MDFIC: variants seen among roughly 807,000 people sequenced by gnomAD.
The protein encoded by MDFIC is myoD family inhibitor domain-containing protein.
Under a neutral mutation model 23.2 loss-of-function variants are expected in MDFIC, and 17 were observed. That is an observed-to-expected ratio of 0.73 (90% CI 0.50 to 1.10). MDFIC has a LOEUF of 1.10. Ranked by LOEUF, MDFIC falls within the 50% of genes least tolerant of loss-of-function variation. The pLI is 0.00. For missense variants in MDFIC, 356 were observed against 316.6 expected (o/e 1.12, Z -0.95); for synonymous variants, 120 against 115.2 (o/e 1.04, Z -0.27).
intron 3 of MDFIC, among the ~76,000 whole-genome samples, chr7:114,956,050 T>C (rs777101834): frequency 6.6e-5 from 10 of 152,118 alleles, no homozygotes; most frequent in Non-Finnish European, 1.0e-4. Flanking sequence ...GGGGTAGAGA[T>C]AAGGGTAGGG....
chr7:114,951,520 C>T (rs578061920), intron 3 of MDFIC, among the ~76,000 whole-genome samples: 1 of 152,126 alleles, frequency 6.6e-6, no homozygotes, highest in South Asian at 2.1e-4. Flanking sequence ...TCAAATTATA[C>T]ATGTGTGTTT....
At chr7:114,942,699 A>G (rs895046396) in intron 3 of MDFIC, among the ~76,000 whole-genome samples, 1 of 152,200 alleles carries the variant, frequency 6.6e-6, no homozygotes, top group Non-Finnish European at 1.5e-5. Context: ...AACTCTAAGT[A>G]TATGTGGATG....
chr7:114,936,361 T>C (rs1170062690), intron 2 of MDFIC, among the ~76,000 whole-genome samples: 1 of 152,200 alleles, frequency 6.6e-6, no homozygotes, highest in East Asian at 1.9e-4. Flanking sequence ...TCTCAGGTTC[T>C]TCTGTTACTA....
intron 4 of MDFIC, among the ~76,000 whole-genome samples, chr7:115,008,311 TC>T (rs1047445231): frequency 2.0e-5 from 3 of 151,538 alleles, no homozygotes; most frequent in African/African-American, 2.4e-5. Flanking sequence ...TTTTTTTTTT[TC>T]CTAGGTTCTT....
Position 114,979,673 on chromosome 7 carries a change from C to A in MDFIC, c.385C>A (p.Gln129Lys), listed in dbSNP as rs1793383978. The stretch of plus-strand genomic sequence containing the variant: ...TCGCAAACTTTCAGCACCTGTTTCT[C>A]AAAAAATGCATAGAAAAATTCAGTC... ...DNRKLSAPVS[Q>K]KMHRKIQSSL... Residue 129 changes from glutamine (Q) to lysine (K), a missense_variant, in exon 4 of 5, where the codon CAA becomes AAA. By Grantham distance (53) the Gln-to-Lys change is moderately conservative. Coordinates refer to ENST00000393486, the MANE Select transcript of MDFIC (RefSeq NM_001166345.3). 6 of 1,613,988 alleles carry A rather than the reference C, an allele frequency of 3.7e-6. No homozygotes were observed. Among genetic ancestry groups the A allele is most frequent in the Non-Finnish European group, 5.1e-6 (6 of 1,179,976 alleles).
chr7:114,985,767 T>A (rs1793500535), intron 4 of MDFIC, among the ~76,000 whole-genome samples: 1 of 151,846 alleles, frequency 6.6e-6, no homozygotes, highest in South Asian at 2.1e-4. Flanking sequence ...TTAGAGAAGA[T>A]ACTAGATGAG....
chr7:114,936,708 C>T, intron 2 of MDFIC, among the ~76,000 whole-genome samples: 1 of 152,186 alleles, frequency 6.6e-6, no homozygotes, highest in East Asian at 1.9e-4. Context: ...AGCTGAGCTG[C>T]AGAGGATTTT....
intron 4 of MDFIC, among the ~76,000 whole-genome samples, chr7:114,989,600 A>G (rs1316247166): frequency 6.6e-6 from 1 of 152,210 alleles, no homozygotes; most frequent in East Asian, 1.9e-4. Flanking sequence ...AGTTTAATAC[A>G]CTGAACTAAA....
At chr7:114,929,250 G>A (rs909737671) in intron 2 of MDFIC, among the ~76,000 whole-genome samples, 9 of 152,100 alleles carry the variant, frequency 5.9e-5, no homozygotes, top group Admixed American at 1.3e-4. Flanking sequence ...GGGACTACAG[G>A]CGTGTGCCAC....
intron 3 of MDFIC, among the ~76,000 whole-genome samples, chr7:114,977,431 T>C (rs1274682139): frequency 1.3e-5 from 2 of 152,068 alleles, no homozygotes; most frequent in Non-Finnish European, 2.9e-5. Context: ...AGGGACACCA[T>C]AAGTTGTCCC....
chr7:115,014,534 G>C, intron 4 of MDFIC: 4 of 1,287,928 alleles, frequency 3.1e-6, no homozygotes, highest in Non-Finnish European at 4.0e-6. Flanking sequence ...TGTGACAATG[G>C]TAAGAGGGTG....
chr7:114,957,831 A>G (rs773640027), intron 3 of MDFIC, among the ~76,000 whole-genome samples: 3 of 152,202 alleles, frequency 2.0e-5, no homozygotes, highest in Admixed American at 2.0e-4. Context: ...AATAGCAAAT[A>G]TTTATAGGCC....
chr7:115,012,811 C>G (rs1001725517), intron 4 of MDFIC, among the ~76,000 whole-genome samples: 3 of 151,968 alleles, frequency 2.0e-5, no homozygotes, highest in Non-Finnish European at 4.4e-5. Context: ...AACCTCATCT[C>G]TACTAAAAAT....
intron 2 of MDFIC, among the ~76,000 whole-genome samples, chr7:114,937,002 T>G (rs1415369512): frequency 6.6e-6 from 1 of 152,134 alleles, no homozygotes; most frequent in Non-Finnish European, 1.5e-5. Context: ...ATCTAATTTA[T>G]TATTAATGCT....
rs1490150949 is a variant in MDFIC at position 114,922,899 on chromosome 7, T to G, written c.-107-28T>G. The stretch of plus-strand genomic sequence containing the variant: ...GTGCTCTTCTCTAAAAACATTTTTT[T>G]TTTTAATTTTGTATATTTTTCCGCC... On this transcript the variant is annotated intron_variant, in intron 1 of 4. Transcript: ENST00000393486. The G allele has an allele frequency of 3.8e-6, 6 of 1,561,412 alleles. No individual in the cohort carries two copies. The African/African-American group carries it at 7.0e-5, about 18-fold the overall frequency.
chr7:114,936,491 T>C (rs1480511405), intron 2 of MDFIC, among the ~76,000 whole-genome samples: 1 of 152,122 alleles, frequency 6.6e-6, no homozygotes, highest in East Asian at 1.9e-4. Flanking sequence ...AGGTAAAGTG[T>C]ACATTTCTAC....
At chr7:114,923,391 C>G (rs1481888250) in intron 2 of MDFIC, 13 of 1,447,654 alleles carry the variant, frequency 9.0e-6, no homozygotes, top group Non-Finnish European at 1.2e-5. Context: ...AGGATTGCTT[C>G]TTTCTTAAGC....
chr7:114,995,135 G>A (rs905157584), intron 4 of MDFIC, among the ~76,000 whole-genome samples: 8 of 152,076 alleles, frequency 5.3e-5, no homozygotes, highest in East Asian at 3.9e-4. Context: ...CCAGTTGATC[G>A]AATCGGCTAC....
At chr7:114,959,753 T>C (rs532051976) in intron 3 of MDFIC, among the ~76,000 whole-genome samples, 1 of 151,566 alleles carries the variant, frequency 6.6e-6, no homozygotes, top group African/African-American at 2.4e-5. Context: ...CATAGAATGG[T>C]GCTTTAAAAA....
Sources: allele counts gnomAD v4.1 joint callset (sites outside exome capture counted in the v4.1 genomes callset), GRCh38; gene constraint gnomAD v4.1.1; transcripts MANE v1.5; gene names NCBI Gene and HGNC (gene_info 2026-07-23, HGNC 2026-07-21).